The following GFRA1 variants were observed in gnomAD, a reference collection of about 807,000 sequenced individuals.
The protein encoded by GFRA1 is GDNF family receptor alpha 1.
GFRA1 carries 16 observed loss-of-function variants against 51.6 expected under a neutral mutation model. That is an observed-to-expected ratio of 0.31 (90% confidence interval 0.21 to 0.47). The LOEUF (loss-of-function observed/expected upper bound fraction) is 0.47, where lower values mean the gene tolerates loss of function less well. Among genes scored for constraint, GFRA1 ranks in the 20% least tolerant of loss-of-function variants. The pLI is 1.00. For synonymous variants in GFRA1, 270 were observed against 241.3 expected, an observed-to-expected ratio of 1.12 and a Z score of -1.10; for missense variants, 530 against 594.3, an observed-to-expected ratio of 0.89 and a Z score of 1.13.
Position 116,064,481 on chromosome 10 carries a change from G to C in GFRA1, c.1315C>G (p.Pro439Ala). Reference protein sequence around the residue: ...SHITTKSMAAPPSCGLSPLLV... With the variant: ...SHITTKSMAAAPSCGLSPLLV... ...AGTGGGCTCAGACCACAGCTTGGAGGAGCAGCCATTGATTTTGTGGTTATG... is the reference window on the plus strand; with the variant it reads ...AGTGGGCTCAGACCACAGCTTGGAGCAGCAGCCATTGATTTTGTGGTTATG... The change falls in exon 11 of 11, where the codon CCT (proline) becomes GCT (alanine). Residue 439 changes from proline (P) to alanine (A), a missense_variant. Pro to Ala is a conservative substitution (Grantham distance 27). Transcript: ENST00000355422. 1 of 1,613,058 alleles carries C rather than the reference G, an allele frequency of 6.2e-7. No individual in the cohort carries two copies. Among genetic ancestry groups the C allele is most frequent in the Non-Finnish European group, 8.5e-7 (1 of 1,179,356 alleles).
intron 6 of GFRA1, among the ~76,000 whole-genome samples, chr10:116,111,000 T>G (rs1363992054): frequency 6.6e-6 from 1 of 152,140 alleles, no homozygotes; most frequent in African/African-American, 2.4e-5. Flanking sequence ...GTCATCTGCA[T>G]CCTAGCTCCA....
chr10:116,105,032 T>C (rs991041148), intron 6 of GFRA1, among the ~76,000 whole-genome samples: 5 of 152,174 alleles, frequency 3.3e-5, no homozygotes, highest in African/African-American at 1.2e-4. Context: ...CAAATAAAAT[T>C]GTTTTATATT....
chr10:116,150,669 G>A (rs754233274), intron 5 of GFRA1, among the ~76,000 whole-genome samples: 14 of 152,220 alleles, frequency 9.2e-5, no homozygotes, highest in Admixed American at 5.2e-4. Context: ...ACAAAACATC[G>A]TTTTATTTAT....
Position 116,059,698 on chromosome 10 carries a change from T to C in GFRA1, c.*4700A>G, listed in dbSNP as rs975132275. ...ATTCTGCTGAAAACCACCCCTGCAT[T>C]GTCTCTGGGAGGGAGGAGAAGCTCA... On this transcript the variant is annotated 3_prime_UTR_variant, in exon 11 of 11. Coordinates refer to ENST00000355422, the MANE Select transcript of GFRA1 (RefSeq NM_005264.8). The C allele has an allele frequency of 1.3e-5, 2 of 152,188 alleles. No individual in the cohort carries two copies. The highest frequency in any genetic ancestry group is 1.5e-5 in the Non-Finnish European group (1 of 68,056). 9.4% of individuals were successfully genotyped at this position (152,188 alleles called of 1,614,324 possible). A position where few individuals can be genotyped will look rare whatever the true frequency, so the allele number is the denominator to read the frequency against.
chr10:116,107,857 T>C (rs1318069118), intron 6 of GFRA1, among the ~76,000 whole-genome samples: 1 of 152,236 alleles, frequency 6.6e-6, no homozygotes, highest in East Asian at 1.9e-4. Flanking sequence ...TTTGCTTCTT[T>C]GGAGGTTCCC....
chr10:116,250,072 T>C (rs940574420), intron 4 of GFRA1, among the ~76,000 whole-genome samples: 8 of 152,190 alleles, frequency 5.3e-5, no homozygotes, highest in Admixed American at 2.0e-4. Context: ...GGCAAAGGCT[T>C]TGAGGCAGAA....
At chr10:116,209,627 C>T (rs1965037390) in intron 5 of GFRA1, among the ~76,000 whole-genome samples, 1 of 151,964 alleles carries the variant, frequency 6.6e-6, no homozygotes, top group Admixed American at 6.6e-5. Flanking sequence ...ATTTCTAGCA[C>T]AATTTATCAT....
intron 9 of GFRA1, among the ~76,000 whole-genome samples, chr10:116,079,271 T>C (rs181791330): frequency 2.7e-4 from 41 of 152,252 alleles, no homozygotes; most frequent in Non-Finnish European, 4.9e-4. Context: ...TAAATTTCTG[T>C]TGCTTAAGCC....
rs142273675 is a variant in GFRA1 at position 116,102,339 on chromosome 10, T to C, written c.771-5575A>G. On this transcript the variant is annotated intron_variant, in intron 6 of 10. Transcript: ENST00000355422. ...AGACATGACGGGTACTTTGAATGTA[T>C]TGCAAGAGCACAGCAGGCGCCAGAG... 1.2e-3 allele frequency among the ~76,000 whole-genome samples: 188 copies of C among 152,318 alleles called. 2 individuals are homozygous for C. Among genetic ancestry groups the C allele is most frequent in the African/African-American group, 4.2e-3 (173 of 41,574 alleles).
chr10:116,184,151 A>G (rs191167744), intron 5 of GFRA1, among the ~76,000 whole-genome samples: 1 of 152,250 alleles, frequency 6.6e-6, no homozygotes, highest in Admixed American at 6.5e-5. Context: ...ATAGTAACAG[A>G]CCCTGTGATT....
At chr10:116,108,051 G>A (rs1190298208) in intron 6 of GFRA1, among the ~76,000 whole-genome samples, 1 of 152,082 alleles carries the variant, frequency 6.6e-6, no homozygotes, top group Non-Finnish European at 1.5e-5. Context: ...TGAGAGCCCT[G>A]GGAGGGGGTG....
chr10:116,272,460 A>G lies in GFRA1; in HGVS notation c.-246-185T>C, dbSNP rs995174613. On this transcript the variant is annotated intron_variant, in intron 1 of 10. Coordinates refer to ENST00000355422, the MANE Select transcript of GFRA1 (RefSeq NM_005264.8). The surrounding 1 kb of genome is among the most constrained non-coding windows in gnomAD (Gnocchi z 4.4). ...GGCCGCTGACACGGGGATGGAGGTGAGGGCTGGAGAGGTCTGAAGAGGGTT... is the reference window on the plus strand; with the variant it reads ...GGCCGCTGACACGGGGATGGAGGTGGGGGCTGGAGAGGTCTGAAGAGGGTT... 2.9e-5 allele frequency: 8 copies of G among 280,424 alleles called. No homozygotes were observed. The Admixed American group carries it at 3.7e-4, about 13-fold the overall frequency. 17.4% of individuals were successfully genotyped at this position (280,424 alleles called of 1,614,324 possible).
intron 4 of GFRA1, among the ~76,000 whole-genome samples, chr10:116,251,670 T>C (rs889677299): frequency 2.0e-5 from 3 of 152,204 alleles, no homozygotes; most frequent in Non-Finnish European, 4.4e-5. Flanking sequence ...GTTCCTTTAC[T>C]CCTGGGAGCT....
chr10:116,212,026 A>G (rs1214391705), intron 4 of GFRA1, among the ~76,000 whole-genome samples: 2 of 152,238 alleles, frequency 1.3e-5, no homozygotes, highest in Non-Finnish European at 1.5e-5. Context: ...CAACAATCTT[A>G]TAAAGTAAGT....
At chr10:116,236,032 G>A (rs1966867437) in intron 4 of GFRA1, among the ~76,000 whole-genome samples, 1 of 152,082 alleles carries the variant, frequency 6.6e-6, no homozygotes, top group East Asian at 1.9e-4. Context: ...TGTGAGCCTT[G>A]TCACTACCCT....
At chr10:116,086,128 G>T (rs1956089822) in intron 9 of GFRA1, among the ~76,000 whole-genome samples, 1 of 152,198 alleles carries the variant, frequency 6.6e-6, no homozygotes, top group South Asian at 2.1e-4. Flanking sequence ...TTTGTAAAAG[G>T]CAAGGATGTC....
intron 6 of GFRA1, among the ~76,000 whole-genome samples, chr10:116,119,303 C>T (rs1957552480): frequency 6.6e-6 from 1 of 152,086 alleles, no homozygotes; most frequent in South Asian, 2.1e-4. Flanking sequence ...CCAGCGGCCC[C>T]CAGAGCAGAC....
intron 4 of GFRA1, among the ~76,000 whole-genome samples, chr10:116,235,393 C>T (rs186938936): frequency 3.3e-5 from 5 of 152,236 alleles, no homozygotes; most frequent in African/African-American, 7.2e-5. Context: ...ATGAATAAAA[C>T]GGTATTGACA....
At chr10:116,146,156 A>G (rs1958792253) in intron 5 of GFRA1, among the ~76,000 whole-genome samples, 1 of 152,184 alleles carries the variant, frequency 6.6e-6, no homozygotes, top group Non-Finnish European at 1.5e-5. Context: ...TAAAACATGC[A>G]AGAGAATGAT....
Sources: allele counts gnomAD v4.1 joint callset (sites outside exome capture counted in the v4.1 genomes callset), GRCh38; gene constraint gnomAD v4.1.1; non-coding constraint Gnocchi (gnomAD v3.1); transcripts MANE v1.5; gene names NCBI Gene and HGNC (gene_info 2026-07-23, HGNC 2026-07-21).